DROSHA: variants seen among roughly 807,000 people sequenced by gnomAD.
DROSHA encodes the protein drosha ribonuclease III, also known as ribonuclease 3.
A neutral mutation model predicts 181.9 loss-of-function variants in DROSHA; 56 were observed. That is an observed-to-expected ratio of 0.31 (90% CI 0.25 to 0.38). The LOEUF is 0.38. DROSHA is among the 10% of genes least tolerant of loss of function. DROSHA has a pLI of 1.00. For missense variants in DROSHA, 1,218 were observed against 1,743.5 expected, an observed-to-expected ratio of 0.70 and a Z score of 5.37; for synonymous variants, 524 against 591.2, an observed-to-expected ratio of 0.89 and a Z score of 1.65.
chr5:31,478,921 C>G (rs931539554), intron 16 of DROSHA, among the ~76,000 whole-genome samples: 7 of 152,154 alleles, frequency 4.6e-5, no homozygotes, highest in Admixed American at 4.6e-4. Flanking sequence ...TACTAGAACT[C>G]TACCTTACAG....
intron 11 of DROSHA, 127 bp from the exon 12 acceptor site, chr5:31,495,499 A>G: frequency 1.2e-6 from 1 of 838,812 alleles, no homozygotes; most frequent in Admixed American, 2.6e-5. Flanking sequence ...ACAGACTGGT[A>G]GGAAAGAACA....
intron 33 of DROSHA, 119 bp from the exon 34 acceptor site, chr5:31,407,064 A>C (rs2149985427): frequency 1.6e-6 from 1 of 644,760 alleles, no homozygotes; most frequent in East Asian, 3.3e-5. Context: ...AATAACAGGA[A>C]ATGTGAAAAT....
At chr5:31,456,878 C>A (rs755264137) in intron 20 of DROSHA, among the ~76,000 whole-genome samples, 2 of 152,102 alleles carry the variant, frequency 1.3e-5, no homozygotes, top group Non-Finnish European at 2.9e-5. Flanking sequence ...CCTTCCACAT[C>A]AGCCTCCTTA....
chr5:31,475,518 A>G (rs1750260731), intron 16 of DROSHA, among the ~76,000 whole-genome samples: 1 of 152,194 alleles, frequency 6.6e-6, no homozygotes, highest in Admixed American at 6.5e-5. Context: ...ATGCCAGAAT[A>G]CGTTGTCTAT....
At chr5:31,416,087 C>A (rs182923118) in intron 30 of DROSHA, among the ~76,000 whole-genome samples, 1 of 152,168 alleles carries the variant, frequency 6.6e-6, no homozygotes, top group Non-Finnish European at 1.5e-5. Flanking sequence ...CTCAATTGTC[C>A]TTATTCCCTT....
chr5:31,405,066 A>G (rs760131494), intron 35 of DROSHA, among the ~76,000 whole-genome samples: 4 of 152,212 alleles, frequency 2.6e-5, no homozygotes, highest in Non-Finnish European at 4.4e-5. Flanking sequence ...GAATAGAGAA[A>G]TGTATGAAAG....
chr5:31,490,417 A>G (rs930833765), intron 13 of DROSHA, among the ~76,000 whole-genome samples: 1 of 151,928 alleles, frequency 6.6e-6, no homozygotes, highest in Non-Finnish European at 1.5e-5. Context: ...CCTGGCCTCA[A>G]GCAATTCCCT....
At chr5:31,511,816 A>T (rs7703802) in intron 8 of DROSHA, among the ~76,000 whole-genome samples, 11 of 151,780 alleles carry the variant, frequency 7.2e-5, no homozygotes, top group Non-Finnish European at 8.8e-5. Context: ...AAATACCCTC[A>T]TAGGGAATGT....
chr5:31,519,182 A>T (rs923746503), intron 6 of DROSHA, among the ~76,000 whole-genome samples: 14 of 152,178 alleles, frequency 9.2e-5, no homozygotes, highest in African/African-American at 3.1e-4. Flanking sequence ...GCAAGCTACC[A>T]GGCATTAGAG....
intron 33 of DROSHA, 26 bp from the exon 34 acceptor site, chr5:31,406,971 A>C (rs764489694): frequency 6.3e-7 from 1 of 1,599,190 alleles, no homozygotes; most frequent in East Asian, 2.2e-5. Flanking sequence ...AAGAACATTT[A>C]TTATGGTAAA....
intron 11 of DROSHA, among the ~76,000 whole-genome samples, chr5:31,498,448 T>A (rs1351021732): frequency 1.3e-5 from 2 of 151,414 alleles, no homozygotes; most frequent in African/African-American, 4.9e-5. Context: ...CAGCAGTGAG[T>A]GTTAATAGGA....
At chr5:31,421,917 C>CGTGT (rs1280180021) in intron 29 of DROSHA, 1 of 75,194 alleles carries the variant, frequency 1.3e-5, no homozygotes, top group East Asian at 6.5e-4. Context: ...AAAAATTAGC[C>CGTGT]GTGTGTGTGT....
intron 3 of DROSHA, among the ~76,000 whole-genome samples, chr5:31,530,422 C>G (rs936037221): frequency 3.3e-5 from 5 of 152,048 alleles, no homozygotes; most frequent in Non-Finnish European, 7.4e-5. Flanking sequence ...TCTATTGACT[C>G]TGGACCCAGG....
chr5:31,523,038 C>A (rs1421351774), intron 5 of DROSHA, among the ~76,000 whole-genome samples: 1 of 152,094 alleles, frequency 6.6e-6, no homozygotes, highest in African/African-American at 2.4e-5. Flanking sequence ...AGGGGAGGGG[C>A]AACAAGAAAA....
chr5:31,505,474 G>C (rs1467926325), intron 10 of DROSHA, among the ~76,000 whole-genome samples: 1 of 152,134 alleles, frequency 6.6e-6, no homozygotes, highest in South Asian at 2.1e-4. Flanking sequence ...CATGCTCTGG[G>C]CCACAAGACC....
chr5:31,515,676 G>A, intron 6 of DROSHA, 112 bp from the exon 7 acceptor site: 1 of 1,421,426 alleles, frequency 7.0e-7, no homozygotes, highest in Non-Finnish European at 9.4e-7. Context: ...AGGAAAAAAA[G>A]ATTTTAAGAC....
At position 31,448,516 on chromosome 5, in the gene DROSHA, A is replaced by T. The variant is rs73745752; in HGVS notation, c.2882+31T>A. ...CTGTATAGTACGTGAATTATATATC[A>T]ATCAGGTTGTTTATTAAAAATCAAC... On this transcript the variant is annotated intron_variant, in intron 23 of 35. Coordinates refer to ENST00000344624, the MANE Select transcript of DROSHA (RefSeq NM_001382508.1). The T allele has an allele frequency of 2.1e-4, 334 of 1,578,704 alleles. 2 individuals are homozygous for T. In the African/African-American group the frequency reaches 3.8e-3, roughly 18 times the overall value.
At chr5:31,490,974 G>A (rs1037309606) in intron 13 of DROSHA, among the ~76,000 whole-genome samples, 2 of 152,086 alleles carry the variant, frequency 1.3e-5, no homozygotes, top group African/African-American at 4.8e-5. Context: ...AGTAACGACT[G>A]TGACTAATTT....
At chr5:31,435,677 C>A in intron 25 of DROSHA, 88 bp downstream of exon 25, 1 of 1,171,780 alleles carries the variant, frequency 8.5e-7, no homozygotes, top group East Asian at 2.4e-5. Context: ...TATATCCTAA[C>A]GAGTTACTTA....
Sources: gnomAD v4.1 joint callset for allele counts (sites outside exome capture counted in the v4.1 genomes callset) on GRCh38, gnomAD v4.1.1 for gene constraint, MANE v1.5 for transcripts, NCBI Gene and HGNC (gene_info 2026-07-23, HGNC 2026-07-21) for gene names.